Variants in ATP8A2 observed in about 807,000 individuals in gnomAD.
The protein encoded by ATP8A2 is ATPase phospholipid transporting 8A2, also known as phospholipid-transporting ATPase IB.
ATP8A2 carries 100 observed loss-of-function variants against 165.6 expected under a neutral mutation model. The ratio of observed to expected loss-of-function variants is 0.60; its 90% CI spans 0.51 to 0.71. The LOEUF is 0.71. Among genes scored for constraint, ATP8A2 ranks in the 30% least tolerant of loss-of-function variants. ATP8A2 has a pLI of 0.00. For missense variants in ATP8A2, 1,227 were observed against 1,479.5 expected, an observed-to-expected ratio of 0.83 and a Z score of 2.80; for synonymous variants, 543 against 548.8, an observed-to-expected ratio of 0.99 and a Z score of 0.15.
chr13:25,926,291 G>T (rs1255335887), intron 33 of ATP8A2, among the ~76,000 whole-genome samples: 2 of 152,020 alleles, frequency 1.3e-5, no homozygotes, highest in Non-Finnish European at 2.9e-5. Context: ...CTAGAGCAGG[G>T]TCGTCTATTT....
intron 27 of ATP8A2, among the ~76,000 whole-genome samples, chr13:25,812,920 T>C (rs996900598): frequency 3.3e-5 from 5 of 152,176 alleles, no homozygotes; most frequent in Non-Finnish European, 5.9e-5. Flanking sequence ...TGAGATCATG[T>C]CCTTTGCAGG....
intron 24 of ATP8A2, among the ~76,000 whole-genome samples, chr13:25,597,593 A>G (rs1464520635): frequency 6.6e-6 from 1 of 152,198 alleles, no homozygotes; most frequent in Non-Finnish European, 1.5e-5. Flanking sequence ...TCACCAAGAG[A>G]TGAATCCTGC....
intron 19 of ATP8A2, among the ~76,000 whole-genome samples, chr13:25,576,327 A>T (rs553714774): frequency 1.3e-5 from 2 of 152,292 alleles, no homozygotes; most frequent in East Asian, 3.9e-4. Flanking sequence ...AGTGTGCTTC[A>T]GGAGGATGAA....
At chr13:25,843,585 G>A (rs537286398) in intron 30 of ATP8A2, among the ~76,000 whole-genome samples, 1 of 152,230 alleles carries the variant, frequency 6.6e-6, no homozygotes, top group African/African-American at 2.4e-5. Context: ...TGAGGAATGG[G>A]CCCTCACCTG....
chr13:25,830,599 A>C (rs1951436430), intron 28 of ATP8A2, among the ~76,000 whole-genome samples: 1 of 152,180 alleles, frequency 6.6e-6, no homozygotes, highest in Admixed American at 6.5e-5. Flanking sequence ...ATTTGCCCCC[A>C]TGAAAATTGT....
At position 25,581,561 on chromosome 13, in the gene ATP8A2, A is replaced by G. The variant is rs115733907; in HGVS notation, c.2008-258A>G. ...ACCTGCCCATCTGCTCTGCTGCCAGATGGCTTCTATTCTAACAAGCCCCTG... is the reference window on the plus strand; with the variant it reads ...ACCTGCCCATCTGCTCTGCTGCCAGGTGGCTTCTATTCTAACAAGCCCCTG... On this transcript the variant is annotated intron_variant, in intron 22 of 36. Coordinates refer to ENST00000381655, the MANE Select transcript of ATP8A2 (RefSeq NM_016529.6). Among the ~76,000 whole-genome samples the G allele has an allele frequency of 7.0e-3, 1,072 of 152,284 alleles. 16 individuals carry two copies. Among genetic ancestry groups the G allele is most frequent in the African/African-American group, 0.025 (1,037 of 41,548 alleles).
At chr13:25,559,158 GT>G in intron 14 of ATP8A2, 97 bp downstream of exon 14, 1 of 811,304 alleles carries the variant, frequency 1.2e-6, no homozygotes, top group South Asian at 1.7e-5. Context: ...ACTTTCTGAT[GT>G]TTTGAAAGGA....
chr13:25,714,339 A>G (rs1245738486), intron 25 of ATP8A2, among the ~76,000 whole-genome samples: 7 of 152,168 alleles, frequency 4.6e-5, no homozygotes, highest in African/African-American at 1.4e-4. Context: ...ACACATGGCA[A>G]ACTCACCTGA....
chr13:25,633,998 G>A (rs981555035), intron 24 of ATP8A2, among the ~76,000 whole-genome samples: 3 of 151,786 alleles, frequency 2.0e-5, no homozygotes, highest in African/African-American at 4.8e-5. Context: ...AAGATCATAC[G>A]GAAATCCGAC....
chr13:25,980,807 G>T (rs1402558907), intron 35 of ATP8A2, among the ~76,000 whole-genome samples: 1 of 152,112 alleles, frequency 6.6e-6, no homozygotes, highest in African/African-American at 2.4e-5. Context: ...GGAGTTTGAG[G>T]CTGCAGTGAG....
chr13:25,577,950 C>A (rs2039664248), intron 20 of ATP8A2, among the ~76,000 whole-genome samples: 2 of 152,098 alleles, frequency 1.3e-5, no homozygotes, highest in African/African-American at 4.8e-5. Flanking sequence ...ATTCTAAAGG[C>A]ATTATATTTG....
chr13:25,806,890 T>C (rs542997639), intron 27 of ATP8A2, among the ~76,000 whole-genome samples: 1 of 152,334 alleles, frequency 6.6e-6, no homozygotes, highest in South Asian at 2.1e-4. Flanking sequence ...TGAAGTGGTA[T>C]GCCATTGTGG....
chr13:25,825,510 A>T (rs1332005314), intron 27 of ATP8A2, among the ~76,000 whole-genome samples: 1 of 152,070 alleles, frequency 6.6e-6, no homozygotes, highest in African/African-American at 2.4e-5. Flanking sequence ...ACAAGACAAC[A>T]TGTTAACTGG....
chr13:25,983,463 C>T (rs1956212441), intron 35 of ATP8A2, among the ~76,000 whole-genome samples: 1 of 152,152 alleles, frequency 6.6e-6, no homozygotes, highest in Non-Finnish European at 1.5e-5. Flanking sequence ...AAAAATTGCA[C>T]ATAATACCTG....
At chr13:25,671,887 C>T (rs1478452706) in intron 24 of ATP8A2, among the ~76,000 whole-genome samples, 11 of 152,176 alleles carry the variant, frequency 7.2e-5, no homozygotes, top group Non-Finnish European at 1.2e-4. Flanking sequence ...TTGAAACTCC[C>T]TAATAAAAAC....
intron 2 of ATP8A2, among the ~76,000 whole-genome samples, chr13:25,503,748 A>G (rs1353481852): frequency 1.3e-5 from 2 of 152,200 alleles, no homozygotes; most frequent in African/African-American, 4.8e-5. Flanking sequence ...CCTCGGGTTA[A>G]AAAAACAAGC....
At chr13:25,957,747 C>G (rs1486952277) in intron 33 of ATP8A2, among the ~76,000 whole-genome samples, 1 of 152,140 alleles carries the variant, frequency 6.6e-6, no homozygotes, top group Non-Finnish European at 1.5e-5. Flanking sequence ...CCATGTGACC[C>G]AGCAATTCCA....
chr13:25,603,431 C>T (rs574208371), intron 24 of ATP8A2, among the ~76,000 whole-genome samples: 6 of 142,806 alleles, frequency 4.2e-5, no homozygotes, highest in Non-Finnish European at 9.1e-5. Flanking sequence ...GCAGAGGCTG[C>T]AGTGAGTCGA....
intron 33 of ATP8A2, among the ~76,000 whole-genome samples, chr13:25,887,727 C>T (rs71431766): frequency 2.0e-5 from 3 of 152,188 alleles, no homozygotes; most frequent in Non-Finnish European, 4.4e-5. Context: ...CATGCAGGCC[C>T]TGAGCCAGGT....
Sources: allele counts gnomAD v4.1 joint callset (sites outside exome capture counted in the v4.1 genomes callset), GRCh38; gene constraint gnomAD v4.1.1; transcripts MANE v1.5; gene names NCBI Gene and HGNC (gene_info 2026-07-23, HGNC 2026-07-21).